Variants in PHACTR3 observed in about 807,000 individuals in gnomAD.
PHACTR3 encodes the protein phosphatase and actin regulator 3.
PHACTR3 carries 16 observed loss-of-function variants against 66.8 expected under a neutral mutation model. The ratio of observed to expected loss-of-function variants is 0.24; its 90% CI spans 0.16 to 0.36. The LOEUF (loss-of-function observed/expected upper bound fraction) is 0.36, where lower values mean the gene tolerates loss of function less well. Among genes scored for constraint, PHACTR3 ranks in the 10% least tolerant of loss-of-function variants. The pLI is 1.00. For synonymous variants in PHACTR3, 323 were observed against 292.1 expected (o/e 1.11, Z -1.08); for missense variants, 647 against 719.9 (o/e 0.90, Z 1.16).
chr20:59,778,464 G>A (rs560077577), intron 7 of PHACTR3, among the ~76,000 whole-genome samples: 17 of 152,274 alleles, frequency 1.1e-4, no homozygotes, highest in East Asian at 3.9e-4. Flanking sequence ...GCTCCACCGC[G>A]TTTAAAACAT....
At chr20:59,831,541 C>T (rs961802218) in intron 8 of PHACTR3, among the ~76,000 whole-genome samples, 7 of 152,152 alleles carry the variant, frequency 4.6e-5, no homozygotes, top group Non-Finnish European at 7.4e-5. Flanking sequence ...CACCAGCAGC[C>T]CCATTTCTGA....
At chr20:59,707,725 C>T (rs1383740690) in intron 1 of PHACTR3, among the ~76,000 whole-genome samples, 2 of 152,122 alleles carry the variant, frequency 1.3e-5, no homozygotes, top group Non-Finnish European at 2.9e-5. Context: ...CTCAGCCTCC[C>T]AAAGTGCTGG....
intron 7 of PHACTR3, among the ~76,000 whole-genome samples, chr20:59,797,714 A>G (rs1054001207): frequency 1.3e-5 from 2 of 152,064 alleles, no homozygotes; most frequent in East Asian, 1.9e-4. Flanking sequence ...TACTTTTTCT[A>G]TGTACATTGA....
chr20:59,783,213 C>T (rs7272269), intron 7 of PHACTR3, among the ~76,000 whole-genome samples: 1 of 152,112 alleles, frequency 6.6e-6, no homozygotes, highest in Admixed American at 6.5e-5. Context: ...CTGTGGAAAC[C>T]CAGCCACTCC....
chr20:59,733,776 G>A (rs1209878708), intron 1 of PHACTR3, among the ~76,000 whole-genome samples: 1 of 152,078 alleles, frequency 6.6e-6, no homozygotes, highest in Non-Finnish European at 1.5e-5. Flanking sequence ...ATAGTTCTTC[G>A]CTTGCTAGGG....
intron 3 of PHACTR3, among the ~76,000 whole-genome samples, chr20:59,748,349 T>C (rs2039449067): frequency 6.6e-6 from 1 of 152,074 alleles, no homozygotes; most frequent in Non-Finnish European, 1.5e-5. Flanking sequence ...AGGCAGCGGC[T>C]ATCCCACTTG....
chr20:59,758,765 G>A (rs2146835582), intron 4 of PHACTR3, among the ~76,000 whole-genome samples: 1 of 152,334 alleles, frequency 6.6e-6, no homozygotes, highest in East Asian at 1.9e-4. Flanking sequence ...GCCGACCTGG[G>A]TTTGAGACAC....
chr20:59,730,494 TTTGC>T (rs1375484842), intron 1 of PHACTR3, among the ~76,000 whole-genome samples: 1 of 151,630 alleles, frequency 6.6e-6, no homozygotes, highest in South Asian at 2.1e-4. Flanking sequence ...TAAGGCCCTG[TTTGC>T]TTGCTTGCTT....
At chr20:59,780,923 C>T (rs761145102) in intron 7 of PHACTR3, among the ~76,000 whole-genome samples, 2 of 152,162 alleles carry the variant, frequency 1.3e-5, no homozygotes, top group African/African-American at 2.4e-5. Context: ...GCTCAGTGAG[C>T]GTTCTGGTTG....
At chr20:59,600,046 C>T (rs574268431), upstream of PHACTR3, among the ~76,000 whole-genome samples, 57 of 152,310 alleles carry the variant, frequency 3.7e-4, no homozygotes, top group Admixed American at 2.0e-3. Flanking sequence ...GGGTCATCCC[C>T]TCTTTGTGGC....
intron 1 of PHACTR3, among the ~76,000 whole-genome samples, chr20:59,699,515 C>T (rs191519793): frequency 2.0e-4 from 31 of 152,230 alleles, no homozygotes; most frequent in African/African-American, 7.0e-4. Flanking sequence ...TTTGGTCTGG[C>T]AAATGGTTTT....
chr20:59,800,067 A>G (rs1026670479), intron 7 of PHACTR3, among the ~76,000 whole-genome samples: 2 of 152,190 alleles, frequency 1.3e-5, no homozygotes, highest in African/African-American at 4.8e-5. Flanking sequence ...TTTTAGTCTC[A>G]TGACCTCACC....
chr20:59,661,450 T>G (rs530382315), intron 1 of PHACTR3, among the ~76,000 whole-genome samples: 3 of 152,096 alleles, frequency 2.0e-5, no homozygotes, highest in Non-Finnish European at 4.4e-5. Flanking sequence ...ATAACAGCCC[T>G]AGGAGACTCA....
chr20:59,638,910 G>T (rs1316127621), intron 1 of PHACTR3, among the ~76,000 whole-genome samples: 5 of 140,384 alleles, frequency 3.6e-5, no homozygotes, highest in Admixed American at 1.4e-4. Flanking sequence ...GATGGATGGA[G>T]ATTGATAGAT....
intron 1 of PHACTR3, among the ~76,000 whole-genome samples, chr20:59,719,621 T>C (rs1330106476): frequency 6.6e-6 from 1 of 152,190 alleles, no homozygotes; most frequent in African/African-American, 2.4e-5. Flanking sequence ...GCATGGAACA[T>C]GCAACCCCTA....
intron 4 of PHACTR3, among the ~76,000 whole-genome samples, chr20:59,765,817 G>A (rs1442729010): frequency 6.6e-6 from 1 of 152,186 alleles, no homozygotes; most frequent in African/African-American, 2.4e-5. Context: ...GAACCCCATA[G>A]GAGCTAACAC....
At chr20:59,783,842 A>T (rs1374186600) in intron 7 of PHACTR3, among the ~76,000 whole-genome samples, 1 of 152,234 alleles carries the variant, frequency 6.6e-6, no homozygotes, top group Non-Finnish European at 1.5e-5. Flanking sequence ...GGACACAGGC[A>T]AAGAGTACTC....
chr20:59,684,710 C>G (rs2036791497), intron 1 of PHACTR3, among the ~76,000 whole-genome samples: 1 of 152,222 alleles, frequency 6.6e-6, no homozygotes, highest in Non-Finnish European at 1.5e-5. Flanking sequence ...GATGCCTTCC[C>G]TGGGCTGGGA....
chr20:59,598,316 C>T (rs1425274302), intron 1 of PHACTR3, among the ~76,000 whole-genome samples: 2 of 152,198 alleles, frequency 1.3e-5, no homozygotes, highest in African/African-American at 4.8e-5. Flanking sequence ...ATGGTGAAAG[C>T]GTATTGAGGG....
Sources: gnomAD v4.1 joint callset for allele counts (sites outside exome capture counted in the v4.1 genomes callset) on GRCh38, gnomAD v4.1.1 for gene constraint, MANE v1.5 for transcripts, NCBI Gene and HGNC (gene_info 2026-07-23, HGNC 2026-07-21) for gene names.